Variants in CSMD1 observed in about 807,000 individuals in gnomAD.
CSMD1 encodes CUB and sushi domain-containing protein 1.
CSMD1 carries 213 observed loss-of-function variants against 417.5 expected under a neutral mutation model. That is an observed-to-expected ratio of 0.51 (90% CI 0.46 to 0.57). The LOEUF (loss-of-function observed/expected upper bound fraction) is 0.57, where lower values mean the gene tolerates loss of function less well. Among genes scored for constraint, CSMD1 ranks in the 20% least tolerant of loss-of-function variants. The pLI is 0.00. For synonymous variants in CSMD1, 2,862 were observed against 1,736.8 expected (o/e 1.65, Z -16.11); for missense variants, 6,923 against 4,529.7 (o/e 1.53, Z -15.17).
intron 3 of CSMD1, among the ~76,000 whole-genome samples, chr8:4,302,020 G>A (rs1001305959): frequency 6.6e-6 from 1 of 151,996 alleles, no homozygotes; most frequent in Non-Finnish European, 1.5e-5. Flanking sequence ...GTTTATTTTG[G>A]TACAAATATT....
In CSMD1 at chr8:2,965,740, C is replaced by A. The variant is rs372679485; in HGVS notation, c.9280+35G>T. 30 of 1,554,480 alleles carry A rather than the reference C, an allele frequency of 1.9e-5. No individual in the cohort carries two copies. The South Asian group carries it at 3.3e-4, about 17-fold the overall frequency. On this transcript the variant is annotated intron_variant, in intron 59 of 69. Transcript: ENST00000635120. ...GCATAATTCAATAAAGACTTCTATA[C>A]ACATCTGTAAAATCCAAAGAGTCAC... is the stretch of plus-strand genomic sequence containing the variant.
chr8:3,084,392 G>C (rs1814363736), intron 49 of CSMD1, among the ~76,000 whole-genome samples: 1 of 151,554 alleles, frequency 6.6e-6, no homozygotes, highest in African/African-American at 2.4e-5. Context: ...CTATGGTGGT[G>C]GGTGCCTGTA....
At chr8:4,259,424 C>G (rs1803717856) in intron 3 of CSMD1, among the ~76,000 whole-genome samples, 1 of 152,096 alleles carries the variant, frequency 6.6e-6, no homozygotes, top group African/African-American at 2.4e-5. Flanking sequence ...CATAATTATA[C>G]CAGGACCCAT....
chr8:4,239,816 A>G (rs775507813), intron 3 of CSMD1, among the ~76,000 whole-genome samples: 8 of 152,216 alleles, frequency 5.3e-5, no homozygotes, highest in Non-Finnish European at 8.8e-5. Context: ...AGATATTTAC[A>G]CAATTTCTGC....
chr8:4,865,217 T>A (rs1046350456), intron 1 of CSMD1, among the ~76,000 whole-genome samples: 4 of 151,816 alleles, frequency 2.6e-5, no homozygotes, highest in Non-Finnish European at 4.4e-5. Flanking sequence ...ATAAGTCCTT[T>A]ATTTAAAAAA....
chr8:3,394,897 G>C (rs184180116), intron 17 of CSMD1, among the ~76,000 whole-genome samples: 2 of 152,118 alleles, frequency 1.3e-5, no homozygotes, highest in Admixed American at 6.6e-5. Context: ...TTAAGTCATT[G>C]ATAAGCAATT....
chr8:3,867,373 A>G (rs539149624), intron 5 of CSMD1, among the ~76,000 whole-genome samples: 4 of 152,288 alleles, frequency 2.6e-5, no homozygotes, highest in African/African-American at 4.8e-5. Flanking sequence ...ATTGAACTTT[A>G]TAATACCCCA....
chr8:3,424,578 T>A (rs1208703269), intron 12 of CSMD1, among the ~76,000 whole-genome samples: 1 of 152,248 alleles, frequency 6.6e-6, no homozygotes, highest in Non-Finnish European at 1.5e-5. Flanking sequence ...TAAAACAATA[T>A]GACTTCAAAA....
At chr8:4,548,741 A>G (rs994762717) in intron 2 of CSMD1, among the ~76,000 whole-genome samples, 1 of 152,102 alleles carries the variant, frequency 6.6e-6, no homozygotes, top group African/African-American at 2.4e-5. Context: ...TAATTACAGA[A>G]CCGCTTTGAA....
chr8:4,610,484 G>A (rs145697911), intron 2 of CSMD1, among the ~76,000 whole-genome samples: 187 of 152,244 alleles, frequency 1.2e-3, no homozygotes, highest in African/African-American at 4.4e-3. Flanking sequence ...AACCCAAGCT[G>A]AGACTCCATA....
intron 23 of CSMD1, among the ~76,000 whole-genome samples, chr8:3,309,567 A>G (rs1805167894): frequency 7.0e-6 from 1 of 142,196 alleles, no homozygotes; most frequent in Non-Finnish European, 1.6e-5. Context: ...TCTGTGAAAG[A>G]CAGTCTTACA....
intron 2 of CSMD1, among the ~76,000 whole-genome samples, chr8:4,455,929 CAAAAAAAAAAAAAAAAAAAAAAA>C (rs71207091): frequency 8.6e-5 from 1 of 11,652 alleles, no homozygotes; most frequent in East Asian, 7.4e-3. Flanking sequence ...ACTCCAACTC[CAAAAAAAAAAAAAAAAAAAAAAA>C]AAAAAAAAAA....
chr8:4,331,881 C>G (rs1799887315), intron 3 of CSMD1, among the ~76,000 whole-genome samples: 1 of 152,058 alleles, frequency 6.6e-6, no homozygotes, highest in South Asian at 2.1e-4. Context: ...TAATACATAG[C>G]TAGAGAGTTT....
At chr8:4,013,306 T>G (rs974874913) in intron 4 of CSMD1, among the ~76,000 whole-genome samples, 11 of 152,104 alleles carry the variant, frequency 7.2e-5, no homozygotes, top group African/African-American at 1.4e-4. Context: ...GTTGCTCTAT[T>G]CTTCGTTCAC....
chr8:4,406,509 G>A (rs754316113), intron 3 of CSMD1, among the ~76,000 whole-genome samples: 3 of 152,158 alleles, frequency 2.0e-5, no homozygotes, highest in Non-Finnish European at 4.4e-5. Flanking sequence ...AATTTGACTA[G>A]TTGATATTAC....
intron 5 of CSMD1, among the ~76,000 whole-genome samples, chr8:3,924,443 C>T (rs554572096): frequency 1.3e-5 from 2 of 152,080 alleles, no homozygotes; most frequent in East Asian, 1.9e-4. Flanking sequence ...TGTCATTATT[C>T]CTCTAAGAAA....
intron 10 of CSMD1, among the ~76,000 whole-genome samples, chr8:3,497,084 C>T (rs933043403): frequency 6.6e-6 from 1 of 152,194 alleles, no homozygotes; most frequent in African/African-American, 2.4e-5. Flanking sequence ...GAAGAATATT[C>T]ATACCATGTA....
chr8:4,716,480 T>A (rs987784118), intron 1 of CSMD1, among the ~76,000 whole-genome samples: 11 of 152,174 alleles, frequency 7.2e-5, no homozygotes, highest in Admixed American at 7.2e-4. Context: ...ATAGAAGGTT[T>A]TTAAAGTATT....
intron 5 of CSMD1, among the ~76,000 whole-genome samples, chr8:3,915,092 C>A (rs534704850): frequency 1.6e-4 from 25 of 151,984 alleles, no homozygotes; most frequent in Non-Finnish European, 3.4e-4. Flanking sequence ...CGGAAAAGCC[C>A]TAATAATGAA....
Sources: gnomAD v4.1 joint callset for allele counts (sites outside exome capture counted in the v4.1 genomes callset) on GRCh38, gnomAD v4.1.1 for gene constraint, MANE v1.5 for transcripts, NCBI Gene and HGNC (gene_info 2026-07-23, HGNC 2026-07-21) for gene names.